Variants in ANK2 observed in about 807,000 individuals in gnomAD.
The protein encoded by ANK2 is ankyrin 2.
A neutral mutation model predicts 360.5 loss-of-function variants in ANK2; 83 were observed. The observed-to-expected ratio is 0.23, with a 90% CI of 0.19 to 0.28. The LOEUF (loss-of-function observed/expected upper bound fraction) is 0.28. ANK2 is among the 10% of genes least tolerant of loss of function. ANK2 has a pLI of 1.00. For missense variants in ANK2, 4,201 were observed against 4,795.7 expected (o/e 0.88, Z 3.66); for synonymous variants, 1,740 against 1,759.5 (o/e 0.99, Z 0.28).
intron 1 of ANK2, among the ~76,000 whole-genome samples, chr4:112,863,599 T>TG (rs1325295791): frequency 7.1e-6 from 1 of 141,686 alleles, no homozygotes; most frequent in Non-Finnish European, 1.5e-5. Flanking sequence ...CTCGGCTCAC[T>TG]GCAAGCTCCG....
intron 2 of ANK2, among the ~76,000 whole-genome samples, chr4:112,925,055 G>T (rs550386901): frequency 3.0e-4 from 46 of 152,074 alleles, no homozygotes; most frequent in African/African-American, 1.1e-3. Context: ...AGCCAGGATG[G>T]TCTCTATCTC....
intron 1 of ANK2, among the ~76,000 whole-genome samples, chr4:113,105,351 T>C (rs1156681600): frequency 6.6e-6 from 1 of 152,016 alleles, no homozygotes; most frequent in African/African-American, 2.4e-5. Flanking sequence ...GATAGGAAAG[T>C]TGAAGAGACT....
intron 18 of ANK2, 119 bp downstream of exon 18, chr4:113,282,991 C>A: frequency 8.8e-7 from 1 of 1,140,284 alleles, no homozygotes; most frequent in East Asian, 2.5e-5. Context: ...GGATATCTTA[C>A]AGACCCCAAG....
At chr4:112,732,290 C>T in the ANK2 span, among the ~76,000 whole-genome samples, 5 of 149,306 alleles carry the variant, frequency 3.3e-5, no homozygotes, top group Non-Finnish European at 7.4e-5. Flanking sequence ...GGCCCTGTTG[C>T]CCAGGCTGGA....
At chr4:112,816,596 A>G (rs1001484630), upstream of ANK2, among the ~76,000 whole-genome samples, 1 of 152,178 alleles carries the variant, frequency 6.6e-6, no homozygotes, top group Non-Finnish European at 1.5e-5. Flanking sequence ...TTCACTTTAA[A>G]TATAAGGGAC....
the ANK2 span, among the ~76,000 whole-genome samples, chr4:112,724,586 CA>C: frequency 2.0e-5 from 3 of 151,180 alleles, no homozygotes; most frequent in African/African-American, 4.9e-5. Context: ...CACACACACA[CA>C]CACCACACCA....
At chr4:112,994,744 A>G (rs2047983139) in intron 2 of ANK2, among the ~76,000 whole-genome samples, 5 of 152,006 alleles carry the variant, frequency 3.3e-5, no homozygotes, top group Admixed American at 3.3e-4. Flanking sequence ...CAGTTTTTCA[A>G]CCCTTTCTCC....
intron 1 of ANK2, among the ~76,000 whole-genome samples, chr4:112,876,966 T>C (rs1408526534): frequency 1.3e-5 from 2 of 152,072 alleles, no homozygotes; most frequent in Non-Finnish European, 2.9e-5. Flanking sequence ...CAACCCATAA[T>C]TTTTTTCTAC....
intron 26 of ANK2, among the ~76,000 whole-genome samples, chr4:113,320,527 C>G (rs2085521324): frequency 6.6e-6 from 1 of 152,034 alleles, no homozygotes. Flanking sequence ...TGGTGGTGCA[C>G]ACCTGTAATC....
the ANK2 span, among the ~76,000 whole-genome samples, chr4:112,779,315 G>A: frequency 7.3e-3 from 1,116 of 152,178 alleles, 9 homozygotes; most frequent in African/African-American, 0.026. Context: ...TCAGGAGATC[G>A]AGACCATCGT....
chr4:112,706,764 C>T, the ANK2 span: 57 of 152,416 alleles, frequency 3.7e-4, no homozygotes, highest in African/African-American at 1.3e-3. Context: ...CTGTATCCTG[C>T]ATTAGCCATG....
At chr4:113,014,944 C>A (rs1372749478) in intron 2 of ANK2, among the ~76,000 whole-genome samples, 1 of 150,476 alleles carries the variant, frequency 6.6e-6, no homozygotes, top group South Asian at 2.1e-4. Flanking sequence ...CTGCAAGCTC[C>A]GCCCGCCGGG....
At chr4:113,112,751 G>A (rs1443649877) in intron 1 of ANK2, among the ~76,000 whole-genome samples, 2 of 152,134 alleles carry the variant, frequency 1.3e-5, no homozygotes, top group African/African-American at 2.4e-5. Context: ...ATACACTTGG[G>A]GGGTCTTGAG....
chr4:112,798,479 T>A, the ANK2 span: 1 of 152,062 alleles, frequency 6.6e-6, no homozygotes, highest in Non-Finnish European at 1.5e-5. Flanking sequence ...AGAGATGGGG[T>A]TTCTCCATGT....
At chr4:112,839,185 A>G (rs2061595000) in intron 1 of ANK2, among the ~76,000 whole-genome samples, 2 of 152,100 alleles carry the variant, frequency 1.3e-5, no homozygotes, top group Admixed American at 6.5e-5. Context: ...TCTTTTTCCT[A>G]TGTTTCTAGG....
chr4:112,727,383 C>G, the ANK2 span, among the ~76,000 whole-genome samples: 1 of 151,514 alleles, frequency 6.6e-6, no homozygotes, highest in African/African-American at 2.4e-5. Context: ...TATAAAATTA[C>G]AAATTAAACA....
At chr4:112,792,416 T>C in the ANK2 span, among the ~76,000 whole-genome samples, 4 of 152,200 alleles carry the variant, frequency 2.6e-5, no homozygotes, top group African/African-American at 9.6e-5. Context: ...ATATCAGAAT[T>C]GGACCTAGTG....
At chr4:113,302,723 A>G in intron 22 of ANK2, 44 bp from the exon 23 acceptor site, 1 of 1,491,306 alleles carries the variant, frequency 6.7e-7, no homozygotes, top group East Asian at 2.3e-5. Flanking sequence ...TCTTTTGTTT[A>G]CTTTTGGTTT....
chr4:112,750,855 G>A, the ANK2 span, among the ~76,000 whole-genome samples: 2 of 152,006 alleles, frequency 1.3e-5, no homozygotes, highest in Non-Finnish European at 2.9e-5. Flanking sequence ...AGCTTCCCGA[G>A]TAGCTGGGAT....
Sources: gnomAD v4.1 joint callset for allele counts (sites outside exome capture counted in the v4.1 genomes callset) on GRCh38, gnomAD v4.1.1 for gene constraint, MANE v1.5 for transcripts, NCBI Gene and HGNC (gene_info 2026-07-23, HGNC 2026-07-21) for gene names.